Variants in MYLK observed in about 807,000 individuals in gnomAD.
MYLK encodes the protein myosin light chain kinase, smooth muscle.
Under a neutral mutation model 203.4 loss-of-function variants are expected in MYLK, and 106 were observed. The observed-to-expected ratio is 0.52, with a 90% CI of 0.45 to 0.61. MYLK has a LOEUF of 0.61. Ranked by LOEUF, MYLK falls within the 20% of genes least tolerant of loss-of-function variation. The pLI, the probability that MYLK is intolerant of heterozygous loss-of-function variation, is 0.00. For missense variants in MYLK, 2,072 were observed against 2,442.3 expected, an observed-to-expected ratio of 0.85 and a Z score of 3.20; for synonymous variants, 867 against 959.5, an observed-to-expected ratio of 0.90 and a Z score of 1.78.
chr3:123,870,834 T>C (rs2032733225), intron 2 of MYLK, among the ~76,000 whole-genome samples: 1 of 152,234 alleles, frequency 6.6e-6, no homozygotes, highest in Non-Finnish European at 1.5e-5. Context: ...AAATATTTTC[T>C]ATCTGTATCT....
chr3:123,683,199 C>T (rs1384918719), intron 19 of MYLK, among the ~76,000 whole-genome samples: 1 of 148,920 alleles, frequency 6.7e-6, no homozygotes, highest in African/African-American at 2.5e-5. Context: ...ACAAGGAGCA[C>T]TCTTTGGGGA....
chr3:123,737,237 A>G, intron 8 of MYLK, 141 bp downstream of exon 8: 2 of 964,980 alleles, frequency 2.1e-6, no homozygotes, highest in Non-Finnish European at 3.1e-6. Flanking sequence ...AAAAAAAAAA[A>G]GACCTGCCCC....
chr3:123,755,467 T>G (rs1201153692), intron 4 of MYLK, among the ~76,000 whole-genome samples: 2 of 152,222 alleles, frequency 1.3e-5, no homozygotes, highest in African/African-American at 4.8e-5. Flanking sequence ...TGGCATCACT[T>G]AAGAAAGTTG....
In MYLK at chr3:123,627,057, C is replaced by CT. The variant is rs2058182570; in HGVS notation, c.5115-117dup. ...GTCATGAGGGCAGAGCCCAGGGCCC[C>CT]TGCTCCCGGACCATCCACCGTGATC... is the stretch of plus-strand genomic sequence containing the variant. On this transcript the variant is annotated intron_variant, in intron 30 of 33. Transcript: ENST00000360304. 13 of 1,192,094 alleles carry CT rather than the reference C, an allele frequency of 1.1e-5. No homozygotes were observed. In the South Asian group the frequency reaches 1.5e-4, roughly 14 times the overall value. The allele number at this position is 1,192,094 out of a possible 1,614,324, so 73.8% of individuals were successfully genotyped here. A position where few individuals can be genotyped will look rare whatever the true frequency, so the allele number is the denominator to read the frequency against.
Position 123,700,950 on chromosome 3 carries a change from C to T in MYLK, c.2518G>A (p.Gly840Ser), listed in dbSNP as rs1285188410. Reference protein sequence around the residue: ...DLCGGGVGADGGGSDRYGSLR... With the variant: ...DLCGGGVGADSGGSDRYGSLR... ...GACCCATAGCGGTCACTACCACCAC[C>T]ATCAGCACCAACTCCTCCACCACAG... The change falls in exon 18 of 34, where the codon GGT becomes AGT. Residue 840 changes from glycine to serine, a missense_variant. By Grantham distance (56) the Gly-to-Ser change is moderately conservative. Around this residue, in one of 3 missense-constraint regions of MYLK, gnomAD observed 865 missense variants for 1,016.0 expected, o/e 0.85. Transcript: ENST00000360304. The T allele has an allele frequency of 1.2e-6, 2 of 1,610,408 alleles. No homozygotes were observed. Among genetic ancestry groups the T allele is most frequent in the African/African-American group, 1.3e-5 (1 of 74,932 alleles).
chr3:123,738,202 TCA>T (rs1217996958), intron 7 of MYLK, among the ~76,000 whole-genome samples: 1 of 152,212 alleles, frequency 6.6e-6, no homozygotes, highest in East Asian at 1.9e-4. Context: ...TTATCCAGCT[TCA>T]CAGGCTTTAT....
chr3:123,860,174 G>A (rs1177028166), intron 2 of MYLK, among the ~76,000 whole-genome samples: 1 of 152,210 alleles, frequency 6.6e-6, no homozygotes, highest in Non-Finnish European at 1.5e-5. Context: ...CTTTGATTCT[G>A]CAGACAGCAG....
At chr3:123,806,541 C>T (rs1009490938) in intron 3 of MYLK, among the ~76,000 whole-genome samples, 2 of 152,132 alleles carry the variant, frequency 1.3e-5, no homozygotes, top group African/African-American at 2.4e-5. Flanking sequence ...TGATACTTAG[C>T]TAATGTTACC....
Position 123,884,035 on chromosome 3 carries a change from G to A in MYLK, c.-186+171C>T, listed in dbSNP as rs903481019. ...AACTCGTGCAGCCTGGCGTCACTGGGGTCGTCTCCTTACGCCCCTGACTCC... is the reference window on the plus strand; with the variant it reads ...AACTCGTGCAGCCTGGCGTCACTGGAGTCGTCTCCTTACGCCCCTGACTCC... On this transcript the variant is annotated intron_variant, in intron 1 of 33. Transcript: ENST00000360304. Among the ~76,000 whole-genome samples the A allele has an allele frequency of 5.7e-4, 87 of 152,242 alleles. 2 individuals carry two copies. The highest frequency in any genetic ancestry group is 1.9e-3 in the South Asian group (9 of 4,816).
chr3:123,807,247 G>A (rs1337823924), intron 3 of MYLK, among the ~76,000 whole-genome samples: 1 of 152,072 alleles, frequency 6.6e-6, no homozygotes, highest in East Asian at 1.9e-4. Context: ...TGGCCAACAT[G>A]GTGAAACCTC....
intron 24 of MYLK, among the ~76,000 whole-genome samples, chr3:123,655,366 T>C (rs1053837027): frequency 3.3e-5 from 5 of 152,194 alleles, no homozygotes; most frequent in African/African-American, 1.2e-4. Flanking sequence ...TCCTTCTTTA[T>C]GGTGTTGGTA....
At chr3:123,682,407 C>G (rs2060300269) in intron 19 of MYLK, 97 bp from the exon 20 acceptor site, 1 of 1,002,682 alleles carries the variant, frequency 1.0e-6, no homozygotes. Context: ...AAACTCCTCC[C>G]CAACTCTGAG....
intron 4 of MYLK, among the ~76,000 whole-genome samples, chr3:123,766,937 G>A (rs972459327): frequency 3.3e-5 from 5 of 152,204 alleles, no homozygotes; most frequent in African/African-American, 9.6e-5. Context: ...CCTGTTTGGG[G>A]GCTGGGGAGC....
intron 28 of MYLK, chr3:123,638,752 C>G: frequency 1.0e-6 from 1 of 985,400 alleles, no homozygotes; most frequent in Non-Finnish European, 1.2e-6. Context: ...TCCTGCCTCT[C>G]CTACTCCTCA....
At chr3:123,876,981 T>TA (rs1194053527) in intron 1 of MYLK, among the ~76,000 whole-genome samples, 1 of 152,236 alleles carries the variant, frequency 6.6e-6, no homozygotes, top group African/African-American at 2.4e-5. Flanking sequence ...TACAGGGACT[T>TA]ATTTCTAGAG....
At chr3:123,670,901 G>A (rs1198352610) in intron 20 of MYLK, among the ~76,000 whole-genome samples, 2 of 152,236 alleles carry the variant, frequency 1.3e-5, no homozygotes, top group African/African-American at 4.8e-5. Flanking sequence ...GGCCTCAAAT[G>A]CTAAGCTCAC....
At chr3:123,763,418 G>A (rs570188862) in intron 4 of MYLK, among the ~76,000 whole-genome samples, 3 of 152,126 alleles carry the variant, frequency 2.0e-5, no homozygotes, top group African/African-American at 4.8e-5. Flanking sequence ...CTATGCCACC[G>A]TTTTGATAGA....
intron 20 of MYLK, among the ~76,000 whole-genome samples, chr3:123,671,385 C>T (rs982107182): frequency 1.3e-5 from 2 of 152,066 alleles, no homozygotes; most frequent in Non-Finnish European, 2.9e-5. Flanking sequence ...GAAAGAGGGG[C>T]GGAGGCCAGG....
intron 16 of MYLK, among the ~76,000 whole-genome samples, chr3:123,702,816 T>C (rs2061299228): frequency 6.6e-6 from 1 of 152,168 alleles, no homozygotes; most frequent in African/African-American, 2.4e-5. Context: ...TAGCAAGACC[T>C]TACCTCTATT....
Sources: gnomAD v4.1 joint callset for allele counts (sites outside exome capture counted in the v4.1 genomes callset) on GRCh38, gnomAD v4.1.1 for gene constraint, gnomAD v4.1.1 regional missense constraint, MANE v1.5 for transcripts, NCBI Gene and HGNC (gene_info 2026-07-23, HGNC 2026-07-21) for gene names.